Variants in SENP7 observed in about 807,000 individuals in gnomAD.
The protein encoded by SENP7 is SUMO specific peptidase 7, also known as sentrin-specific protease 7.
SENP7 carries 64 observed loss-of-function variants against 141.2 expected under a neutral mutation model. The observed-to-expected ratio is 0.45, with a 90% CI of 0.37 to 0.56. The LOEUF is 0.56. Ranked by LOEUF, SENP7 falls within the 20% of genes least tolerant of loss-of-function variation. SENP7 has a pLI of 0.00. For synonymous variants in SENP7, 382 were observed against 426.4 expected (o/e 0.90, Z 1.28); for missense variants, 1,025 against 1,212.2 (o/e 0.85, Z 2.29).
At chr3:101,438,297 T>A (rs564817295) in intron 4 of SENP7, among the ~76,000 whole-genome samples, 4 of 152,238 alleles carry the variant, frequency 2.6e-5, no homozygotes, top group Admixed American at 2.6e-4. Context: ...TGAATGAACC[T>A]TGAGGACATT....
At chr3:101,393,142 T>C (rs2060862635) in intron 6 of SENP7, among the ~76,000 whole-genome samples, 1 of 152,192 alleles carries the variant, frequency 6.6e-6, no homozygotes, top group African/African-American at 2.4e-5. Flanking sequence ...AATACCCATA[T>C]GCAGAAGAAT....
chr3:101,385,393 C>T (rs529330300), intron 6 of SENP7, among the ~76,000 whole-genome samples: 2 of 152,196 alleles, frequency 1.3e-5, no homozygotes, highest in East Asian at 3.9e-4. Context: ...TTAAACAGTG[C>T]TCAGTCCAGC....
At chr3:101,435,764 A>T (rs1056813298) in intron 4 of SENP7, among the ~76,000 whole-genome samples, 1 of 152,098 alleles carries the variant, frequency 6.6e-6, no homozygotes, top group Non-Finnish European at 1.5e-5. Flanking sequence ...ACAATTATTA[A>T]GAAATATGAG....
chr3:101,422,298 G>T (rs1355769163), intron 4 of SENP7, among the ~76,000 whole-genome samples: 1 of 152,130 alleles, frequency 6.6e-6, no homozygotes, highest in East Asian at 1.9e-4. Flanking sequence ...CATGAAACCA[G>T]TCCCTGGTGC....
intron 6 of SENP7, among the ~76,000 whole-genome samples, chr3:101,381,015 T>C (rs529109761): frequency 6.6e-6 from 1 of 152,296 alleles, no homozygotes; most frequent in African/African-American, 2.4e-5. Flanking sequence ...TGCCATGTAA[T>C]ACATATTGTT....
chr3:101,464,015 TG>T (rs1329082224), intron 3 of SENP7, among the ~76,000 whole-genome samples: 1 of 151,838 alleles, frequency 6.6e-6, no homozygotes, highest in East Asian at 1.9e-4. Flanking sequence ...TAGTAGAGAC[TG>T]GGTTTCACCA....
At position 101,324,658 on chromosome 3, in the gene SENP7, T is replaced by A. The variant is rs774023895; in HGVS notation, c.*1285A>T. The A allele has an allele frequency of 2.6e-5, 4 of 152,034 alleles. No individual in the cohort carries two copies. Among genetic ancestry groups the A allele is most frequent in the African/African-American group, 4.8e-5 (2 of 41,446 alleles). 9.4% of individuals were successfully genotyped at this position (152,034 alleles called of 1,614,324 possible). A position where few individuals can be genotyped will look rare whatever the true frequency, so the allele number is the denominator to read the frequency against. Reference sequence around the variant, plus strand: ...GACCCCGATTCGTATGATTTTGAAATAAAATGTTCAGACTTTCTAGCTTTA... The same window carrying A: ...GACCCCGATTCGTATGATTTTGAAAAAAAATGTTCAGACTTTCTAGCTTTA... On this transcript the variant is annotated 3_prime_UTR_variant, in exon 24 of 24. Coordinates refer to ENST00000394095, the MANE Select transcript of SENP7 (RefSeq NM_020654.5).
intron 6 of SENP7, among the ~76,000 whole-genome samples, chr3:101,388,194 C>T (rs1367746270): frequency 1.3e-5 from 2 of 152,154 alleles, no homozygotes; most frequent in Non-Finnish European, 2.9e-5. Context: ...AACTGGCCCA[C>T]CAGGACCTGC....
intron 4 of SENP7, among the ~76,000 whole-genome samples, chr3:101,456,177 C>T (rs933734509): frequency 1.3e-5 from 2 of 151,828 alleles, no homozygotes; most frequent in African/African-American, 4.8e-5. Flanking sequence ...ATATATGTGT[C>T]TTTGGTACAA....
chr3:101,403,431 G>T (rs746426173), intron 5 of SENP7, among the ~76,000 whole-genome samples: 8 of 152,146 alleles, frequency 5.3e-5, no homozygotes, highest in Non-Finnish European at 7.3e-5. Flanking sequence ...AGAACCCAAC[G>T]CTCAGAAAAG....
chr3:101,417,838 A>G, intron 4 of SENP7, 48 bp from the exon 5 acceptor site: 1 of 1,383,376 alleles, frequency 7.2e-7, no homozygotes, highest in South Asian at 1.2e-5. Context: ...CACATTGTAG[A>G]ATACATGAAT....
chr3:101,336,791 T>C (rs929873391), intron 17 of SENP7, among the ~76,000 whole-genome samples: 2 of 152,168 alleles, frequency 1.3e-5, no homozygotes, highest in Admixed American at 6.5e-5. Flanking sequence ...AAATACCTCC[T>C]TTTTGCCTAT....
rs1028425237 is a variant in SENP7, at chr3:101,325,282, T to A, written c.*661A>T. The A allele has an allele frequency of 6.7e-5, 9 of 134,074 alleles. No homozygotes were observed. In the East Asian group the frequency reaches 1.2e-3, roughly 17 times the overall value. The allele number at this position is 134,074 out of a possible 1,614,324, so 8.3% of individuals were successfully genotyped here. ...TGAACTAAATTATAAGATACTCACA[T>A]ATGACATCAAAAGAAATGAAAAAAA... is the stretch of plus-strand genomic sequence containing the variant. On this transcript the variant is annotated 3_prime_UTR_variant, in exon 24 of 24. Transcript: ENST00000394095.
At chr3:101,493,626 AC>A in intron 3 of SENP7, among the ~76,000 whole-genome samples, 2 of 125,160 alleles carry the variant, frequency 1.6e-5, no homozygotes, top group Non-Finnish European at 3.5e-5. Flanking sequence ...AATTTATTTT[AC>A]AATAATAAGA....
rs184596543 is a variant in SENP7, at chr3:101,429,987, G to A, written c.285-12197C>T. 3.4e-3 allele frequency among the ~76,000 whole-genome samples: 510 copies of A among 152,102 alleles called. 1 individual carries two copies. Among genetic ancestry groups the A allele is most frequent in the Middle Eastern group, 0.02 (6 of 294 alleles). On this transcript the variant is annotated intron_variant, in intron 4 of 23. Coordinates refer to ENST00000394095, the MANE Select transcript of SENP7 (RefSeq NM_020654.5). Reference sequence around the variant, plus strand: ...TGGTTCTGTTTATGTGATGGATTACGTTTATTGATTTGTGTATGTTGAACC... The same window carrying A: ...TGGTTCTGTTTATGTGATGGATTACATTTATTGATTTGTGTATGTTGAACC...
chr3:101,499,789 C>CCT (rs2065304104), intron 2 of SENP7, among the ~76,000 whole-genome samples: 1 of 152,130 alleles, frequency 6.6e-6, no homozygotes, highest in African/African-American at 2.4e-5. Context: ...CCCACCTCAG[C>CCT]CTCCCAAAGT....
Position 101,325,193 on chromosome 3 carries a change from A to G in SENP7, c.*750T>C, listed in dbSNP as rs892372969. The G allele has an allele frequency of 3.3e-5, 5 of 152,084 alleles. No individual in the cohort carries two copies. Among genetic ancestry groups the G allele is most frequent in the Non-Finnish European group, 7.4e-5 (5 of 67,992 alleles). The allele number at this position is 152,084 out of a possible 1,614,324, so 9.4% of individuals were successfully genotyped here. A position where few individuals can be genotyped will look rare whatever the true frequency, so the allele number is the denominator to read the frequency against. On this transcript the variant is annotated 3_prime_UTR_variant, in exon 24 of 24. Coordinates refer to ENST00000394095, the MANE Select transcript of SENP7 (RefSeq NM_020654.5). Reference sequence around the variant, plus strand: ...CAGTACCTCAAGTTGAGCTACATGTATAATTTTTAAAAAACTATTTTGCAC... The same window carrying G: ...CAGTACCTCAAGTTGAGCTACATGTGTAATTTTTAAAAAACTATTTTGCAC...
intron 1 of SENP7, among the ~76,000 whole-genome samples, chr3:101,511,819 TTTG>T (rs936302621): frequency 2.6e-5 from 4 of 151,432 alleles, no homozygotes; most frequent in Non-Finnish European, 4.4e-5. Context: ...TTGTTTTTTT[TTTG>T]TTGTTGTTGT....
At chr3:101,483,958 C>T (rs926396122) in intron 3 of SENP7, among the ~76,000 whole-genome samples, 4 of 152,146 alleles carry the variant, frequency 2.6e-5, no homozygotes, top group Admixed American at 6.6e-5. Flanking sequence ...ACCCAGGAGA[C>T]GGCGGTTGCA....
Sources: gnomAD v4.1 joint callset for allele counts (sites outside exome capture counted in the v4.1 genomes callset) on GRCh38, gnomAD v4.1.1 for gene constraint, MANE v1.5 for transcripts, NCBI Gene and HGNC (gene_info 2026-07-23, HGNC 2026-07-21) for gene names.